OTUD7A: variants seen among roughly 807,000 people sequenced by gnomAD.
The protein encoded by OTUD7A is OTU deubiquitinase 7A, also known as OTU domain-containing protein 7A.
Under a neutral mutation model 65.7 loss-of-function variants are expected in OTUD7A, and 12 were observed. That is an observed-to-expected ratio of 0.18 (90% confidence interval 0.12 to 0.30). OTUD7A has a LOEUF of 0.30. Ranked by LOEUF, OTUD7A falls within the 10% of genes least tolerant of loss-of-function variation. The probability of loss-of-function intolerance (pLI) is 1.00; values close to 1 mark genes in which losing one functional copy is unlikely to be tolerated. For missense variants in OTUD7A, 1,148 were observed against 1,304.8 expected (o/e 0.88, Z 1.85); for synonymous variants, 641 against 586.3 (o/e 1.09, Z -1.35).
chr15:31,594,717 G>A (rs1379112488), intron 3 of OTUD7A, among the ~76,000 whole-genome samples: 5 of 152,202 alleles, frequency 3.3e-5, no homozygotes, highest in Admixed American at 2.0e-4. Flanking sequence ...CTCATGGAGG[G>A]ATCAGAATTT....
In OTUD7A at chr15:31,483,690, G is replaced by T; in HGVS notation, c.2406C>A (p.Ala802=). The part of the protein sequence containing the change: ...APAVGALRPC[A]TYPQQNRSLS... ...GCGAGCGGTTCTGCTGCGGGTACGTGGCGCACGGCCGCAGCGCCCCCACGG... is the reference window on the plus strand; with the variant it reads ...GCGAGCGGTTCTGCTGCGGGTACGTTGCGCACGGCCGCAGCGCCCCCACGG... Residue 802 remains alanine, a synonymous_variant, in exon 13 of 13, where the codon GCC becomes GCA. Transcript: ENST00000307050. 8.6e-7 allele frequency: 1 copy of T among 1,159,268 alleles called. No individual in the cohort carries two copies. Among genetic ancestry groups the T allele is most frequent in the East Asian group, 4.1e-5 (1 of 24,232 alleles). The allele number at this position is 1,159,268 out of a possible 1,614,324, so 71.8% of individuals were successfully genotyped here. A position where few individuals can be genotyped will look rare whatever the true frequency, so the allele number is the denominator to read the frequency against.
intron 1 of OTUD7A, among the ~76,000 whole-genome samples, chr15:31,745,323 A>T (rs750480297): frequency 6.6e-6 from 1 of 152,174 alleles, no homozygotes; most frequent in Non-Finnish European, 1.5e-5. Flanking sequence ...AGACAATATG[A>T]TATGGGCATG....
chr15:31,484,740 G>A lies in OTUD7A; in HGVS notation c.1372-16C>T. On this transcript the variant is annotated splice_polypyrimidine_tract_variant and intron_variant, in intron 12 of 12. Coordinates refer to ENST00000307050, the MANE Select transcript of OTUD7A (RefSeq NM_001382637.1). This position sits in a 1 kb window ranked among gnomAD's most constrained non-coding sequence, Gnocchi z 4.5. Reference sequence around the variant, plus strand: ...CCAGGGGCGCCTGTGTGGAGAGGGAGGGCCGGATCGAAGGTGGTTAGAGAA... The same window carrying A: ...CCAGGGGCGCCTGTGTGGAGAGGGAAGGCCGGATCGAAGGTGGTTAGAGAA... 1 of 1,587,736 alleles carries A rather than the reference G, an allele frequency of 6.3e-7. No homozygotes were observed. Among genetic ancestry groups the A allele is most frequent in the Non-Finnish European group, 8.5e-7 (1 of 1,173,756 alleles).
At chr15:31,766,972 A>G (rs1349049636) in intron 1 of OTUD7A, 10 of 1,611,580 alleles carry the variant, frequency 6.2e-6, no homozygotes, top group Non-Finnish European at 8.5e-6. Flanking sequence ...ACTTAACCCT[A>G]TTAAATTATG....
intron 1 of OTUD7A, among the ~76,000 whole-genome samples, chr15:31,753,720 ATTAT>A (rs1567005092): frequency 2.9e-5 from 2 of 69,472 alleles, no homozygotes; most frequent in African/African-American, 1.2e-4. Context: ...ATATATATAT[ATTAT>A]ATATATATAT....
chr15:31,501,712 C>T lies in OTUD7A; in HGVS notation c.1149G>A (p.Gln383=). Residue 383 remains glutamine, a synonymous_variant, in exon 10 of 13, where the codon CAG becomes CAA. Coordinates refer to ENST00000307050, the MANE Select transcript of OTUD7A (RefSeq NM_001382637.1). ...AHFSALVSME[Q]RDQQREQAVI... ...TACCTTGTTCTCTTTGCTGGTCTCT[C>T]TGTTCCATGGACACAAGGGCAGAGA... 1.2e-6 allele frequency: 2 copies of T among 1,614,206 alleles called. No homozygotes were observed. The highest frequency in any genetic ancestry group is 1.7e-6 in the Non-Finnish European group (2 of 1,180,034).
intron 1 of OTUD7A, among the ~76,000 whole-genome samples, chr15:31,754,995 G>A (rs1419332148): frequency 2.0e-5 from 3 of 151,920 alleles, no homozygotes; most frequent in Admixed American, 2.0e-4. Context: ...CGAAGAGAGT[G>A]AGAGAGACAG....
At chr15:31,732,000 C>A (rs1323609365) in intron 1 of OTUD7A, among the ~76,000 whole-genome samples, 1 of 152,114 alleles carries the variant, frequency 6.6e-6, no homozygotes. Context: ...GGGAACAATG[C>A]CAACCAGGAG....
At chr15:31,513,539 C>G (rs563184083) in intron 8 of OTUD7A, among the ~76,000 whole-genome samples, 6 of 152,208 alleles carry the variant, frequency 3.9e-5, no homozygotes, top group Non-Finnish European at 8.8e-5. Flanking sequence ...TCAGGATATC[C>G]TTGACTTCCA....
intron 8 of OTUD7A, among the ~76,000 whole-genome samples, chr15:31,508,963 A>G (rs2041629477): frequency 6.6e-6 from 1 of 152,234 alleles, no homozygotes; most frequent in Non-Finnish European, 1.5e-5. Context: ...GGGCTTTGAG[A>G]AAGTTAAGCA....
At chr15:31,507,870 C>T (rs2041605666) in intron 8 of OTUD7A, among the ~76,000 whole-genome samples, 1 of 152,196 alleles carries the variant, frequency 6.6e-6, no homozygotes. Context: ...AGTCCCCACT[C>T]AACCCAGGAA....
rs1489461722 is a variant in OTUD7A, at chr15:31,476,579, CTGTT to C, written c.*6711_*6714del. The C allele has an allele frequency of 6.6e-6, 1 of 152,278 alleles. No individual in the cohort carries two copies. Among genetic ancestry groups the C allele is most frequent in the East Asian group, 1.9e-4 (1 of 5,194 alleles). 9.4% of individuals were successfully genotyped at this position (152,278 alleles called of 1,614,324 possible). ...TGTTTGGGCAGCAATGAAAGGGACA[CTGTT>C]TATTTGGCAATTCAAGCACAGGAAT... On this transcript the variant is annotated 3_prime_UTR_variant, in exon 13 of 13. Transcript: ENST00000307050.
At chr15:31,553,278 C>T (rs1260078057) in intron 5 of OTUD7A, among the ~76,000 whole-genome samples, 2 of 152,184 alleles carry the variant, frequency 1.3e-5, no homozygotes, top group African/African-American at 4.8e-5. Context: ...TGTTCCTCAG[C>T]CCTCAATACT....
intron 4 of OTUD7A, among the ~76,000 whole-genome samples, chr15:31,563,798 C>A (rs1482459064): frequency 1.3e-5 from 2 of 152,210 alleles, no homozygotes; most frequent in Non-Finnish European, 2.9e-5. Context: ...GACAATCCAG[C>A]TATGCAGAGG....
chr15:31,687,571 T>C (rs1276581974), intron 1 of OTUD7A, among the ~76,000 whole-genome samples: 2 of 152,216 alleles, frequency 1.3e-5, no homozygotes, highest in Non-Finnish European at 2.9e-5. Flanking sequence ...ATAAGGACAC[T>C]GAAGGTTTGT....
chr15:31,682,353 A>T (rs1892737676), intron 1 of OTUD7A, among the ~76,000 whole-genome samples: 1 of 152,244 alleles, frequency 6.6e-6, no homozygotes, highest in Non-Finnish European at 1.5e-5. Context: ...CCCAGTCAAC[A>T]TTCCAGCAGG....
chr15:31,503,639 G>C (rs1335174920), intron 9 of OTUD7A, 52 bp downstream of exon 9: 1 of 1,611,130 alleles, frequency 6.2e-7, no homozygotes, highest in Admixed American at 1.7e-5. Context: ...TTCTAGCTGG[G>C]ATGCTATGCT....
At chr15:31,658,490 T>C (rs535014248) in intron 1 of OTUD7A, among the ~76,000 whole-genome samples, 5 of 152,300 alleles carry the variant, frequency 3.3e-5, no homozygotes, top group African/African-American at 7.2e-5. Flanking sequence ...GCAACCTTCA[T>C]GGAGCTGCTA....
At chr15:31,508,667 G>C (rs2041621920) in intron 8 of OTUD7A, among the ~76,000 whole-genome samples, 1 of 152,268 alleles carries the variant, frequency 6.6e-6, no homozygotes, top group South Asian at 2.1e-4. Context: ...GTGGTTTGTA[G>C]GCTGGTGCTG....
Sources: allele counts gnomAD v4.1 joint callset (sites outside exome capture counted in the v4.1 genomes callset), GRCh38; gene constraint gnomAD v4.1.1; non-coding constraint Gnocchi (gnomAD v3.1); transcripts MANE v1.5; gene names NCBI Gene and HGNC (gene_info 2026-07-23, HGNC 2026-07-21).